Variants in CDH13 observed in about 807,000 individuals in gnomAD.
CDH13 encodes the protein cadherin 13.
In CDH13, 24 loss-of-function variants were observed where a neutral mutation model predicts 63.8. The ratio of observed to expected loss-of-function variants is 0.38; its 90% confidence interval spans 0.27 to 0.53. CDH13 has a LOEUF of 0.53. Ranked by LOEUF, CDH13 falls within the 20% of genes least tolerant of loss-of-function variation. The pLI is 0.85. For synonymous variants in CDH13, 503 were observed against 355.3 expected (o/e 1.42, Z -4.67); for missense variants, 1,049 against 903.1 (o/e 1.16, Z -2.07).
At chr16:82,872,757 A>T (rs2040387044) in intron 2 of CDH13, among the ~76,000 whole-genome samples, 1 of 152,154 alleles carries the variant, frequency 6.6e-6, no homozygotes, top group Admixed American at 6.5e-5. Flanking sequence ...CCTTCTGGAG[A>T]TAGAAATAGG....
intron 10 of CDH13, among the ~76,000 whole-genome samples, chr16:83,685,597 C>T (rs1904300024): frequency 6.6e-6 from 1 of 152,070 alleles, no homozygotes; most frequent in Non-Finnish European, 1.5e-5. Flanking sequence ...AGCTTATCGT[C>T]ATAAGAGCAA....
intron 4 of CDH13, among the ~76,000 whole-genome samples, chr16:83,145,215 G>A (rs564499513): frequency 6.6e-5 from 10 of 152,228 alleles, no homozygotes; most frequent in African/African-American, 2.4e-4. Flanking sequence ...GAGCTGCAAC[G>A]CCACCTTGGT....
intron 7 of CDH13, among the ~76,000 whole-genome samples, chr16:83,600,390 G>A (rs1907673092): frequency 6.6e-6 from 1 of 152,118 alleles, no homozygotes. Context: ...AGCAGAACCA[G>A]GACTCCTTAA....
intron 5 of CDH13, among the ~76,000 whole-genome samples, chr16:83,239,140 A>G (rs1904293031): frequency 6.6e-6 from 1 of 152,204 alleles, no homozygotes; most frequent in African/African-American, 2.4e-5. Flanking sequence ...TTGCTGTTTA[A>G]CAGCCTTACC....
At chr16:83,305,741 C>T (rs1413886522) in intron 5 of CDH13, among the ~76,000 whole-genome samples, 1 of 152,082 alleles carries the variant, frequency 6.6e-6, no homozygotes, top group Non-Finnish European at 1.5e-5. Context: ...TTCATCTGTA[C>T]AATGGGATTA....
chr16:82,669,032 C>A (rs1912934088), intron 1 of CDH13, among the ~76,000 whole-genome samples: 1 of 152,190 alleles, frequency 6.6e-6, no homozygotes, highest in Non-Finnish European at 1.5e-5. Flanking sequence ...CCATCCACAT[C>A]CGAGGGAGTA....
At chr16:83,080,871 G>GGTTTTT (rs2033183201) in intron 3 of CDH13, among the ~76,000 whole-genome samples, 3 of 46,928 alleles carry the variant, frequency 6.4e-5, no homozygotes, top group Non-Finnish European at 1.1e-4. Flanking sequence ...TTGTTTTTGT[G>GGTTTTT]TTTTTTTTTT....
chr16:83,444,239 T>C (rs150369906), intron 6 of CDH13, among the ~76,000 whole-genome samples: 4 of 152,208 alleles, frequency 2.6e-5, no homozygotes, highest in African/African-American at 7.2e-5. Flanking sequence ...ATGATGATGA[T>C]GACGATGATG....
At chr16:82,931,693 A>T (rs540996118) in intron 2 of CDH13, among the ~76,000 whole-genome samples, 14 of 152,262 alleles carry the variant, frequency 9.2e-5, no homozygotes, top group South Asian at 4.1e-4. Flanking sequence ...CAAAGGCATG[A>T]CTTACATGGC....
intron 3 of CDH13, among the ~76,000 whole-genome samples, chr16:83,082,606 T>G (rs1358773910): frequency 6.6e-6 from 1 of 152,162 alleles, no homozygotes; most frequent in African/African-American, 2.4e-5. Context: ...ATCGTGCCAC[T>G]GCATTCCAGC....
At chr16:83,179,044 C>T (rs1016267025) in intron 4 of CDH13, among the ~76,000 whole-genome samples, 2 of 152,128 alleles carry the variant, frequency 1.3e-5, no homozygotes, top group Admixed American at 6.5e-5. Flanking sequence ...TGCATTAAGC[C>T]TCAACAAATG....
intron 2 of CDH13, among the ~76,000 whole-genome samples, chr16:82,979,582 T>C (rs900883098): frequency 6.6e-6 from 1 of 152,154 alleles, no homozygotes; most frequent in Admixed American, 6.5e-5. Context: ...GATGCTGCCA[T>C]GTGAAAAAGG....
chr16:83,521,632 T>G (rs1447978586), intron 7 of CDH13, among the ~76,000 whole-genome samples: 1 of 152,206 alleles, frequency 6.6e-6, no homozygotes, highest in East Asian at 1.9e-4. Flanking sequence ...CAAATGCAGA[T>G]GGATATTAGA....
intron 7 of CDH13, among the ~76,000 whole-genome samples, chr16:83,540,196 C>G (rs780476374): frequency 6.6e-6 from 1 of 151,868 alleles, no homozygotes; most frequent in East Asian, 1.9e-4. Context: ...TCCCGAGTAG[C>G]TGGTGTTGGA....
chr16:82,783,666 C>G (rs901172298), intron 1 of CDH13, among the ~76,000 whole-genome samples: 1 of 152,218 alleles, frequency 6.6e-6, no homozygotes, highest in East Asian at 1.9e-4. Context: ...CAATGAGATT[C>G]TAATTTCAGT....
intron 2 of CDH13, among the ~76,000 whole-genome samples, chr16:82,867,382 G>A (rs1021104778): frequency 6.6e-5 from 10 of 152,102 alleles, no homozygotes; most frequent in African/African-American, 2.2e-4. Context: ...CTGCTGCTGC[G>A]TATTTGTTGC....
intron 8 of CDH13, among the ~76,000 whole-genome samples, chr16:83,615,392 G>A (rs2150769248): frequency 6.6e-6 from 1 of 152,186 alleles, no homozygotes; most frequent in Admixed American, 6.5e-5. Context: ...TCTGGAGGGT[G>A]GAGTCCAAGA....
intron 10 of CDH13, among the ~76,000 whole-genome samples, chr16:83,694,260 AC>A (rs1185927369): frequency 2.0e-5 from 3 of 152,254 alleles, no homozygotes; most frequent in African/African-American, 7.2e-5. Flanking sequence ...ACCTGTGTTC[AC>A]CCCCACATCA....
At chr16:82,930,474 T>TC (rs1275805505) in intron 2 of CDH13, among the ~76,000 whole-genome samples, 1 of 21,028 alleles carries the variant, frequency 4.8e-5, no homozygotes, top group Non-Finnish European at 1.3e-4. Flanking sequence ...TAACTTTTTC[T>TC]TGAAGTAACT....
Sources: allele counts gnomAD v4.1 joint callset (sites outside exome capture counted in the v4.1 genomes callset), GRCh38; gene constraint gnomAD v4.1.1; transcripts MANE v1.5; gene names NCBI Gene and HGNC (gene_info 2026-07-23, HGNC 2026-07-21).